Variants in LYN observed in about 807,000 individuals in gnomAD.
LYN encodes the protein LYN proto-oncogene, Src family tyrosine kinase.
Under a neutral mutation model 65.0 loss-of-function variants are expected in LYN, and 12 were observed. That is an observed-to-expected ratio of 0.18 (90% CI 0.12 to 0.30). LYN has a LOEUF of 0.30. LYN is among the 10% of genes least tolerant of loss of function. The probability of loss-of-function intolerance (pLI) is 1.00; values close to 1 mark genes in which losing one functional copy is unlikely to be tolerated. For synonymous variants in LYN, 222 were observed against 221.2 expected, an observed-to-expected ratio of 1.00 and a Z score of -0.03; for missense variants, 380 against 623.2, an observed-to-expected ratio of 0.61 and a Z score of 4.16.
intron 1 of LYN, among the ~76,000 whole-genome samples, chr8:55,939,388 T>C (rs1251771752): frequency 1.3e-5 from 2 of 152,168 alleles, no homozygotes; most frequent in African/African-American, 4.8e-5. Flanking sequence ...CATCTATCGA[T>C]CTTCCTGTCT....
chr8:55,960,450 T>G (rs903354275), intron 8 of LYN, among the ~76,000 whole-genome samples: 3 of 152,202 alleles, frequency 2.0e-5, no homozygotes, highest in African/African-American at 7.2e-5. Flanking sequence ...TTGTAGGGAC[T>G]GAGTTTGCCT....
At chr8:55,883,990 G>C (rs976876984) in intron 1 of LYN, among the ~76,000 whole-genome samples, 1 of 152,114 alleles carries the variant, frequency 6.6e-6, no homozygotes, top group African/African-American at 2.4e-5. Flanking sequence ...GTTCCCTTTC[G>C]GGGGAGATAC....
At chr8:55,900,793 A>G (rs1461317487) in intron 1 of LYN, among the ~76,000 whole-genome samples, 1 of 152,144 alleles carries the variant, frequency 6.6e-6, no homozygotes, top group African/African-American at 2.4e-5. Context: ...CTTTTGCTAA[A>G]TACTTATCTA....
At chr8:55,903,967 G>A (rs1434734937) in intron 1 of LYN, among the ~76,000 whole-genome samples, 1 of 151,858 alleles carries the variant, frequency 6.6e-6, no homozygotes, top group East Asian at 1.9e-4. Flanking sequence ...GCTGCACTGG[G>A]CTGTGATTGT....
intron 12 of LYN, among the ~76,000 whole-genome samples, chr8:56,007,885 G>A (rs1352412809): frequency 6.6e-6 from 1 of 152,096 alleles, no homozygotes; most frequent in Non-Finnish European, 1.5e-5. Context: ...TTGGGAGGCC[G>A]AGACAGGCAG....
chr8:55,951,210 TCTAA>T (rs754067250), intron 6 of LYN, among the ~76,000 whole-genome samples: 3 of 151,830 alleles, frequency 2.0e-5, no homozygotes, highest in Admixed American at 6.6e-5. Context: ...GCCACTGCAC[TCTAA>T]CTAGCCTGAG....
At chr8:55,938,470 A>G (rs1242876662) in intron 1 of LYN, among the ~76,000 whole-genome samples, 2 of 152,238 alleles carry the variant, frequency 1.3e-5, no homozygotes, top group Non-Finnish European at 2.9e-5. Context: ...CATTCCCATC[A>G]GGAACCTGGT....
chr8:55,947,872 T>G (rs1806830418), intron 4 of LYN, 149 bp downstream of exon 4: 1 of 613,860 alleles, frequency 1.6e-6, no homozygotes, highest in South Asian at 1.9e-5. Context: ...CCACAGGGAG[T>G]GGGCAGTGGA....
At chr8:55,891,543 G>T (rs190449759) in intron 1 of LYN, among the ~76,000 whole-genome samples, 6 of 152,148 alleles carry the variant, frequency 3.9e-5, no homozygotes, top group African/African-American at 1.4e-4. Context: ...GATGGGGGAG[G>T]GAATGGGAAG....
At chr8:55,901,340 C>T (rs1805255531) in intron 1 of LYN, among the ~76,000 whole-genome samples, 1 of 152,154 alleles carries the variant, frequency 6.6e-6, no homozygotes, top group Non-Finnish European at 1.5e-5. Context: ...TTAAGCAAAA[C>T]CCCAGTGTTC....
intron 10 of LYN, among the ~76,000 whole-genome samples, chr8:55,996,123 A>G (rs1563328069): frequency 6.6e-6 from 1 of 152,254 alleles, no homozygotes; most frequent in Non-Finnish European, 1.5e-5. Context: ...TCAACTGGCT[A>G]ACATGACACC....
At chr8:55,891,009 A>T (rs1001234974) in intron 1 of LYN, among the ~76,000 whole-genome samples, 1 of 151,130 alleles carries the variant, frequency 6.6e-6, no homozygotes, top group Non-Finnish European at 1.5e-5. Flanking sequence ...GATTGCAGGC[A>T]TGAACCACCG....
intron 10 of LYN, among the ~76,000 whole-genome samples, chr8:55,976,717 G>C (rs1350912200): frequency 6.6e-6 from 1 of 152,160 alleles, no homozygotes; most frequent in Non-Finnish European, 1.5e-5. Flanking sequence ...TCCTGGAGGA[G>C]GTCACCCTGA....
chr8:55,914,878 A>G (rs1805741038), intron 1 of LYN, among the ~76,000 whole-genome samples: 1 of 152,204 alleles, frequency 6.6e-6, no homozygotes, highest in African/African-American at 2.4e-5. Flanking sequence ...AGCAATGCTA[A>G]TGATGTGTTT....
chr8:55,922,639 C>T (rs1210763828), intron 1 of LYN, among the ~76,000 whole-genome samples: 1 of 152,108 alleles, frequency 6.6e-6, no homozygotes, highest in East Asian at 1.9e-4. Flanking sequence ...TGGTGGCACA[C>T]GCCTGTAATC....
chr8:55,976,337 A>T (rs1014554120), intron 10 of LYN, among the ~76,000 whole-genome samples: 10 of 151,916 alleles, frequency 6.6e-5, no homozygotes, highest in African/African-American at 2.4e-4. Flanking sequence ...AAAAAAAAAA[A>T]AAAAAAAGAA....
At chr8:56,002,083 C>A (rs570032449) in intron 12 of LYN, among the ~76,000 whole-genome samples, 4 of 152,220 alleles carry the variant, frequency 2.6e-5, no homozygotes, top group African/African-American at 9.6e-5. Context: ...GAGTTCGAGA[C>A]CAGCCTGGCC....
At chr8:55,971,192 G>A (rs1807599610) in intron 10 of LYN, among the ~76,000 whole-genome samples, 1 of 152,224 alleles carries the variant, frequency 6.6e-6, no homozygotes, top group Non-Finnish European at 1.5e-5. Context: ...TGGAACAGAG[G>A]GGCAAGGAAA....
intron 1 of LYN, among the ~76,000 whole-genome samples, chr8:55,884,812 T>C (rs1230909285): frequency 6.6e-6 from 1 of 152,230 alleles, no homozygotes; most frequent in East Asian, 1.9e-4. Context: ...AAAAGCCTCA[T>C]CCATGCTGAC....
Sources: gnomAD v4.1 joint callset for allele counts (sites outside exome capture counted in the v4.1 genomes callset) on GRCh38, gnomAD v4.1.1 for gene constraint, MANE v1.5 for transcripts, NCBI Gene and HGNC (gene_info 2026-07-23, HGNC 2026-07-21) for gene names.